The following PDE1A variants were observed in gnomAD, a reference collection of about 807,000 sequenced individuals.
PDE1A encodes the protein dual specificity calcium/calmodulin-dependent 3',5'-cyclic nucleotide phosphodiesterase 1A.
Under a neutral mutation model 61.7 loss-of-function variants are expected in PDE1A, and 35 were observed. That is an observed-to-expected ratio of 0.57 (90% CI 0.43 to 0.75). The LOEUF (loss-of-function observed/expected upper bound fraction) is 0.75. PDE1A is among the 30% of genes least tolerant of loss of function. The pLI, the probability that PDE1A is intolerant of heterozygous loss-of-function variation, is 0.00. For missense variants in PDE1A, 597 were observed against 630.6 expected (o/e 0.95, Z 0.57); for synonymous variants, 232 against 213.2 (o/e 1.09, Z -0.77).
At chr2:182,634,389 C>T in the PDE1A span, among the ~76,000 whole-genome samples, 1 of 152,108 alleles carries the variant, frequency 6.6e-6, no homozygotes, top group African/African-American at 2.4e-5. Flanking sequence ...GAAGAGAAAG[C>T]AGCTTTCTAT....
the PDE1A span, among the ~76,000 whole-genome samples, chr2:182,572,024 G>C: frequency 6.6e-6 from 1 of 152,156 alleles, no homozygotes; most frequent in Non-Finnish European, 1.5e-5. Context: ...CCCTTAGAAA[G>C]ATGTTTTCTA....
the PDE1A span, among the ~76,000 whole-genome samples, chr2:182,710,465 T>A: frequency 6.6e-6 from 1 of 152,166 alleles, no homozygotes; most frequent in Admixed American, 6.5e-5. Context: ...AACATATTCA[T>A]CTTACAACTT....
intron 2 of PDE1A, among the ~76,000 whole-genome samples, chr2:182,508,941 C>G (rs1435458010): frequency 6.7e-6 from 1 of 150,012 alleles, no homozygotes; most frequent in African/African-American, 2.4e-5. Flanking sequence ...GGTATATCTC[C>G]CGATGCTATC....
At position 182,160,904 on chromosome 2, in the gene PDE1A, G is replaced by A. The variant is rs538750798; in HGVS notation, c.1517-13752C>T. 6.6e-5 allele frequency among the ~76,000 whole-genome samples: 10 copies of A among 152,250 alleles called. No individual in the cohort carries two copies. In the South Asian group the frequency reaches 1.0e-3, roughly 16 times the overall value. Reference sequence around the variant, plus strand: ...TTCCTTAATTGGTTTTGGGATTTCTGGAACTGACTTTATAATCTGATTAAA... The same window carrying A: ...TTCCTTAATTGGTTTTGGGATTTCTAGAACTGACTTTATAATCTGATTAAA... On this transcript the variant is annotated intron_variant, in intron 13 of 13. Coordinates refer to the PDE1A transcript ENST00000409365.
chr2:182,195,280 A>G (rs779272307), intron 10 of PDE1A, among the ~76,000 whole-genome samples: 1 of 152,072 alleles, frequency 6.6e-6, no homozygotes, highest in Non-Finnish European at 1.5e-5. Context: ...AAATACCACC[A>G]ATTCCTCACA....
chr2:182,531,798 C>A, the PDE1A span, among the ~76,000 whole-genome samples: 1 of 152,040 alleles, frequency 6.6e-6, no homozygotes, highest in East Asian at 1.9e-4. Flanking sequence ...TTTGCTGCAC[C>A]CATCAACTCA....
chr2:182,233,889 C>T (rs200143821), intron 4 of PDE1A, among the ~76,000 whole-genome samples: 7 of 152,072 alleles, frequency 4.6e-5, no homozygotes, highest in South Asian at 2.1e-4. Context: ...ACATATGTAG[C>T]GCTGCAATTG....
At chr2:182,672,667 C>T in the PDE1A span, among the ~76,000 whole-genome samples, 4 of 152,300 alleles carry the variant, frequency 2.6e-5, no homozygotes, top group East Asian at 7.7e-4. Context: ...GCACATTGAC[C>T]AGCCGTTAGT....
chr2:182,469,182 C>T (rs996274676), intron 2 of PDE1A, among the ~76,000 whole-genome samples: 6 of 151,944 alleles, frequency 3.9e-5, no homozygotes, highest in Admixed American at 3.3e-4. Flanking sequence ...TCTTCTCTAG[C>T]TATGAAAGTC....
the PDE1A span, among the ~76,000 whole-genome samples, chr2:182,599,725 T>C: frequency 3.9e-5 from 6 of 152,266 alleles, no homozygotes; most frequent in South Asian, 2.1e-4. Flanking sequence ...AAATTATTTG[T>C]TGCCTATCTG....
the PDE1A span, among the ~76,000 whole-genome samples, chr2:182,568,759 A>G: frequency 6.6e-6 from 1 of 152,136 alleles, no homozygotes; most frequent in Admixed American, 6.6e-5. Context: ...ATGTAATTGC[A>G]CTCAAAAAAT....
chr2:182,587,378 C>A, the PDE1A span, among the ~76,000 whole-genome samples: 1 of 152,176 alleles, frequency 6.6e-6, no homozygotes, highest in Admixed American at 6.5e-5. Context: ...ACACAGCACT[C>A]TTTTCAAGCT....
At chr2:182,248,124 G>T (rs4666827) in intron 2 of PDE1A, among the ~76,000 whole-genome samples, 33,534 of 151,712 alleles carry the variant, frequency 0.22, 4,021 homozygotes, top group East Asian at 0.34. Context: ...GGGTGTGGTG[G>T]TGCATGCTTG....
At chr2:182,236,055 G>T (rs1039813309) in intron 3 of PDE1A, among the ~76,000 whole-genome samples, 3 of 152,162 alleles carry the variant, frequency 2.0e-5, no homozygotes, top group African/African-American at 7.2e-5. Context: ...AGGCTTTCTT[G>T]ATGAAGTAGC....
the PDE1A span, among the ~76,000 whole-genome samples, chr2:182,668,722 G>A: frequency 1.1e-3 from 173 of 152,118 alleles, no homozygotes; most frequent in African/African-American, 4.0e-3. Flanking sequence ...CCAGCTCTTC[G>A]GCTCCTGCTG....
At chr2:182,225,361 T>C (rs140800062) in intron 6 of PDE1A, among the ~76,000 whole-genome samples, 1 of 151,994 alleles carries the variant, frequency 6.6e-6, no homozygotes, top group East Asian at 1.9e-4. Context: ...AAGAAAGCCA[T>C]TGTAGGTCCA....
Position 182,185,646 on chromosome 2 carries a change from A to G in PDE1A, c.1516+246T>C, listed in dbSNP as rs552430904. On this transcript the variant is annotated intron_variant, in intron 13 of 13. Transcript: ENST00000351439. ...CCATTTCATTATCTCATCTTTCAGT[A>G]TCCAGTTTGCCAGCACCCACTGACA... The G allele has an allele frequency of 9.5e-5, 53 of 558,100 alleles. No individual in the cohort carries two copies. In the South Asian group the frequency reaches 1.1e-3, roughly 11 times the overall value. The allele number at this position is 558,100 out of a possible 1,614,324, so 34.6% of individuals were successfully genotyped here.
intron 1 of PDE1A, among the ~76,000 whole-genome samples, chr2:182,327,023 T>C (rs1435545440): frequency 6.6e-6 from 1 of 152,222 alleles, no homozygotes; most frequent in African/African-American, 2.4e-5. Context: ...GCTAAATTGG[T>C]TCACTATCTC....
At chr2:182,549,916 A>G in the PDE1A span, among the ~76,000 whole-genome samples, 3 of 152,150 alleles carry the variant, frequency 2.0e-5, no homozygotes, top group African/African-American at 7.2e-5. Flanking sequence ...AGAAAATCTG[A>G]TTATTCTCAA....
Sources: gnomAD v4.1 joint callset for allele counts (sites outside exome capture counted in the v4.1 genomes callset) on GRCh38, gnomAD v4.1.1 for gene constraint, MANE v1.5 for transcripts, NCBI Gene and HGNC (gene_info 2026-07-23, HGNC 2026-07-21) for gene names.